The following LRRC37A2 variants were observed in gnomAD, a reference collection of about 807,000 sequenced individuals.
The protein encoded by LRRC37A2 is leucine rich repeat containing 37 member A2, also known as leucine-rich repeat-containing protein 37A2.
A neutral mutation model predicts 68.8 loss-of-function variants in LRRC37A2; 9 were observed. The ratio of observed to expected loss-of-function variants is 0.13; its 90% CI spans 0.08 to 0.23. The LOEUF (loss-of-function observed/expected upper bound fraction) is 0.23. Among genes scored for constraint, LRRC37A2 ranks in the 10% least tolerant of loss-of-function variants. The pLI, the probability that LRRC37A2 is intolerant of heterozygous loss-of-function variation, is 1.00. For missense variants in LRRC37A2, 168 were observed against 950.4 expected, an observed-to-expected ratio of 0.18 and a Z score of 10.82; for synonymous variants, 63 against 367.6, an observed-to-expected ratio of 0.17 and a Z score of 9.48.
chr17:46,731,870 T>C, the LRRC37A2 span, among the ~76,000 whole-genome samples: 14 of 152,336 alleles, frequency 9.2e-5, no homozygotes, highest in Non-Finnish European at 1.8e-4. Flanking sequence ...CTAGTTGGCA[T>C]GTATTTAACA....
At chr17:46,879,289 G>A in the LRRC37A2 span, among the ~76,000 whole-genome samples, 1 of 152,150 alleles carries the variant, frequency 6.6e-6, no homozygotes, top group Non-Finnish European at 1.5e-5. Flanking sequence ...CGCTGGGAAG[G>A]AGGACAAACC....
At chr17:46,941,494 G>A in the LRRC37A2 span, 2 of 887,970 alleles carry the variant, frequency 2.3e-6, no homozygotes, top group Non-Finnish European at 2.7e-6. Context: ...AGAAGCAGTG[G>A]GGAAGCTTTT....
the LRRC37A2 span, among the ~76,000 whole-genome samples, chr17:46,841,116 G>A: frequency 6.6e-6 from 1 of 152,152 alleles, no homozygotes. Flanking sequence ...CGACAGACAA[G>A]GCTCCTTGGA....
chr17:46,976,839 G>A, the LRRC37A2 span, among the ~76,000 whole-genome samples: 1 of 152,206 alleles, frequency 6.6e-6, no homozygotes. Context: ...CACTTATCCA[G>A]GTTGCCTGAG....
chr17:46,886,404 CT>C, the LRRC37A2 span: 1 of 152,178 alleles, frequency 6.6e-6, no homozygotes, highest in Admixed American at 6.6e-5. Context: ...TTGTACTGTG[CT>C]CCTGTAATGG....
At chr17:46,835,152 A>G in the LRRC37A2 span, among the ~76,000 whole-genome samples, 1 of 151,282 alleles carries the variant, frequency 6.6e-6, no homozygotes, top group Non-Finnish European at 1.5e-5. Flanking sequence ...ACACCACCAC[A>G]CCTGGCTAAT....
the LRRC37A2 span, among the ~76,000 whole-genome samples, chr17:46,493,503 T>C: frequency 1.6e-5 from 2 of 121,550 alleles, no homozygotes; most frequent in African/African-American, 7.1e-5. Context: ...ATTGGGTTGC[T>C]TTCTTTATTG....
chr17:46,728,710 A>C, the LRRC37A2 span: 1 of 458,860 alleles, frequency 2.2e-6, no homozygotes. Context: ...TTTACTCTTT[A>C]AATTTTTTTT....
the LRRC37A2 span, chr17:46,833,446 TG>T: frequency 1.6e-4 from 82 of 512,104 alleles, 1 homozygote; most frequent in Middle Eastern, 1.3e-3. Context: ...AGAAGGTGAG[TG>T]TTAGGGAGGA....
chr17:46,793,988 T>C, the LRRC37A2 span, among the ~76,000 whole-genome samples: 1 of 152,212 alleles, frequency 6.6e-6, no homozygotes, highest in African/African-American at 2.4e-5. Context: ...ACCTGCTATG[T>C]GTTCTTCACT....
the LRRC37A2 span, chr17:46,876,488 G>T: frequency 1.2e-6 from 2 of 1,613,660 alleles, no homozygotes; most frequent in Non-Finnish European, 1.7e-6. Flanking sequence ...TGGGGACCTG[G>T]TGTACATGGA....
chr17:46,755,331 T>C, the LRRC37A2 span: 1 of 1,613,714 alleles, frequency 6.2e-7, no homozygotes, highest in Non-Finnish European at 8.5e-7. Flanking sequence ...CTGAATACCG[T>C]GTGAGAAAAT....
At chr17:46,951,584 CTT>C in the LRRC37A2 span, among the ~76,000 whole-genome samples, 1 of 152,186 alleles carries the variant, frequency 6.6e-6, no homozygotes, top group Non-Finnish European at 1.5e-5. Context: ...TTCCCAGGGA[CTT>C]TCTTTTGCCC....
At chr17:46,979,126 G>A in the LRRC37A2 span, 2 of 1,090,866 alleles carry the variant, frequency 1.8e-6, no homozygotes, top group East Asian at 3.4e-5. Flanking sequence ...TACGGGGAGG[G>A]GACGAAGGCG....
At chr17:46,902,298 A>G in the LRRC37A2 span, among the ~76,000 whole-genome samples, 1 of 152,092 alleles carries the variant, frequency 6.6e-6, no homozygotes, top group Non-Finnish European at 1.5e-5. Context: ...CTGTAAATTG[A>G]TTGTGAAGAA....
chr17:46,497,576 C>T, the LRRC37A2 span, among the ~76,000 whole-genome samples: 3 of 113,140 alleles, frequency 2.7e-5, no homozygotes, highest in Non-Finnish European at 4.6e-5. Flanking sequence ...TTATTCTAGC[C>T]CCCCCTTATA....
chr17:46,941,604 C>T, the LRRC37A2 span: 26 of 208,492 alleles, frequency 1.2e-4, no homozygotes, highest in Middle Eastern at 2.5e-3. Context: ...GAGACAGTCT[C>T]GCTCTGTCAC....
At chr17:46,891,988 C>T in the LRRC37A2 span, among the ~76,000 whole-genome samples, 3 of 140,522 alleles carry the variant, frequency 2.1e-5, no homozygotes, top group African/African-American at 5.5e-5. Context: ...GGTGTGATCT[C>T]AGCTCAGTGC....
the LRRC37A2 span, chr17:46,968,716 A>G: frequency 1.3e-5 from 2 of 152,518 alleles, no homozygotes; most frequent in Admixed American, 6.5e-5. Context: ...CAGCACCTCT[A>G]CAATGGCCAT....
Sources: gnomAD v4.1 joint callset for allele counts (sites outside exome capture counted in the v4.1 genomes callset) on GRCh38, gnomAD v4.1.1 for gene constraint, MANE v1.5 for transcripts, NCBI Gene and HGNC (gene_info 2026-07-23, HGNC 2026-07-21) for gene names.